PTPRG: variants seen among roughly 807,000 people sequenced by gnomAD.
PTPRG encodes protein tyrosine phosphatase receptor type G, also known as receptor-type tyrosine-protein phosphatase gamma.
In PTPRG, 102 loss-of-function variants were observed where a neutral mutation model predicts 165.3. The ratio of observed to expected loss-of-function variants is 0.62; its 90% CI spans 0.53 to 0.73. The LOEUF is 0.73. PTPRG is among the 30% of genes least tolerant of loss of function. The pLI is 0.00. For missense variants in PTPRG, 1,866 were observed against 1,861.4 expected (o/e 1.00, Z -0.05); for synonymous variants, 675 against 669.5 (o/e 1.01, Z -0.13).
intron 1 of PTPRG, among the ~76,000 whole-genome samples, chr3:61,602,202 G>T (rs1418705479): frequency 6.6e-6 from 1 of 151,816 alleles, no homozygotes; most frequent in African/African-American, 2.4e-5. Flanking sequence ...CCTTTTGGCT[G>T]GCTGTCTTAG....
Position 62,273,182 on chromosome 3 carries a change from G to C in PTPRG, c.3318+101G>C, listed in dbSNP as rs1453720719. 1.6e-5 allele frequency: 21 copies of C among 1,301,998 alleles called. No homozygotes were observed. Among genetic ancestry groups the C allele is most frequent in the Non-Finnish European group, 2.1e-5 (20 of 968,952 alleles). 80.7% of individuals were successfully genotyped at this position (1,301,998 alleles called of 1,614,324 possible). A position where few individuals can be genotyped will look rare whatever the true frequency, so the allele number is the denominator to read the frequency against. ...AGACAGATTCATTCTTTTAGGGCTT[G>C]CAGTAATTTACAGGTTTGTATTAGA... On this transcript the variant is annotated intron_variant, in intron 22 of 29. Coordinates refer to ENST00000474889, the MANE Select transcript of PTPRG (RefSeq NM_002841.4). The surrounding 1 kb of genome is among the most constrained non-coding windows in gnomAD (Gnocchi z 4.1).
At chr3:61,650,421 G>A (rs1467446136) in intron 1 of PTPRG, among the ~76,000 whole-genome samples, 1 of 152,162 alleles carries the variant, frequency 6.6e-6, no homozygotes, top group Non-Finnish European at 1.5e-5. Flanking sequence ...CAAAACTGTT[G>A]AGAAGCAGCC....
Position 61,897,651 on chromosome 3 carries a change from T to G in PTPRG, c.191-91974T>G, listed in dbSNP as rs368753085. ...GGGATTTTAATAGGAATTGTATTAA[T>G]AGTATAGATCAGTTTGGGGAGAACT... On this transcript the variant is annotated intron_variant, in intron 2 of 29. Coordinates refer to ENST00000474889, the MANE Select transcript of PTPRG (RefSeq NM_002841.4). Among the ~76,000 whole-genome samples, 3 of 152,206 alleles carry G rather than the reference T, an allele frequency of 2.0e-5. No individual in the cohort carries two copies. The South Asian group carries it at 6.2e-4, about 31-fold the overall frequency.
At chr3:61,934,117 G>A (rs920932212) in intron 2 of PTPRG, among the ~76,000 whole-genome samples, 1 of 152,142 alleles carries the variant, frequency 6.6e-6, no homozygotes, top group Non-Finnish European at 1.5e-5. Flanking sequence ...AGTGGTGTGG[G>A]GATGTGTATT....
rs79449065 is a variant in PTPRG, at chr3:61,572,873, T to C, written c.85+10501T>C. Among the ~76,000 whole-genome samples the C allele has an allele frequency of 5.9e-3, 898 of 152,342 alleles. 12 individuals are homozygous for C. The highest frequency in any genetic ancestry group is 0.021 in the African/African-American group (853 of 41,582). ...CCTGGAGGTGTTTGTCACCCAAGCA[T>C]AGGTGATTTTCCTGAGGGACAGATT... On this transcript the variant is annotated intron_variant, in intron 1 of 29. Coordinates refer to ENST00000474889, the MANE Select transcript of PTPRG (RefSeq NM_002841.4).
intron 2 of PTPRG, among the ~76,000 whole-genome samples, chr3:61,900,131 G>T (rs1348987787): frequency 3.3e-5 from 5 of 152,036 alleles, no homozygotes; most frequent in Admixed American, 3.3e-4. Flanking sequence ...TGGTATGATG[G>T]CTAGAAATAG....
intron 8 of PTPRG, 142 bp downstream of exon 8, chr3:62,168,305 T>C: frequency 1.2e-6 from 1 of 807,660 alleles, no homozygotes; most frequent in Non-Finnish European, 1.9e-6. Flanking sequence ...CCTGTCTGGC[T>C]GAAAAATAGG....
intron 13 of PTPRG, among the ~76,000 whole-genome samples, chr3:62,220,438 G>A (rs905111732): frequency 4.6e-5 from 7 of 152,208 alleles, no homozygotes; most frequent in Non-Finnish European, 8.8e-5. Flanking sequence ...GAGGGTAGCC[G>A]TGTAGGTGGT....
intron 26 of PTPRG, among the ~76,000 whole-genome samples, chr3:62,280,926 C>G (rs530823376): frequency 6.6e-6 from 1 of 152,092 alleles, no homozygotes; most frequent in Non-Finnish European, 1.5e-5. Context: ...GTTTAGAGAT[C>G]TCATATCCAA....
chr3:62,243,638 C>A (rs1472324556), intron 14 of PTPRG, 169 bp from the exon 15 acceptor site: 3 of 475,266 alleles, frequency 6.3e-6, no homozygotes, highest in South Asian at 4.2e-5. Flanking sequence ...ATTTTGGGCC[C>A]CTCCAACAGG....
intron 2 of PTPRG, among the ~76,000 whole-genome samples, chr3:61,788,005 G>C (rs1033073077): frequency 6.6e-6 from 1 of 152,100 alleles, no homozygotes; most frequent in Non-Finnish European, 1.5e-5. Context: ...TAAAGGATTT[G>C]TAGCAGTATT....
At chr3:62,084,477 T>C (rs998291626) in intron 5 of PTPRG, among the ~76,000 whole-genome samples, 3 of 151,692 alleles carry the variant, frequency 2.0e-5, no homozygotes, top group Admixed American at 6.5e-5. Context: ...TCTTTCATAG[T>C]TGAAAGGAAA....
chr3:61,821,923 A>G (rs1436708987), intron 2 of PTPRG, among the ~76,000 whole-genome samples: 2 of 152,250 alleles, frequency 1.3e-5, no homozygotes, highest in Non-Finnish European at 2.9e-5. Flanking sequence ...TGCACTGGGC[A>G]GGCTCTGCCA....
chr3:61,621,329 T>C (rs1395506578), intron 1 of PTPRG, among the ~76,000 whole-genome samples: 1 of 152,038 alleles, frequency 6.6e-6, no homozygotes, highest in East Asian at 1.9e-4. Flanking sequence ...GCAGGGATCT[T>C]GCTAAAATAA....
intron 2 of PTPRG, among the ~76,000 whole-genome samples, chr3:61,965,017 C>A (rs542007251): frequency 6.6e-6 from 1 of 151,960 alleles, no homozygotes; most frequent in East Asian, 1.9e-4. Context: ...CCAAGGTGGG[C>A]GGATCACCTG....
intron 12 of PTPRG, among the ~76,000 whole-genome samples, chr3:62,211,368 T>C (rs1478215731): frequency 6.6e-6 from 1 of 152,168 alleles, no homozygotes; most frequent in Non-Finnish European, 1.5e-5. Context: ...GGGAGTTGTT[T>C]AATGGATATA....
intron 2 of PTPRG, among the ~76,000 whole-genome samples, chr3:61,947,722 G>T (rs1363669607): frequency 2.0e-5 from 3 of 152,108 alleles, no homozygotes; most frequent in Non-Finnish European, 4.4e-5. Context: ...GGCATTACTG[G>T]GCTGAAATCG....
At chr3:61,937,932 C>A (rs190202327) in intron 2 of PTPRG, among the ~76,000 whole-genome samples, 12 of 131,222 alleles carry the variant, frequency 9.1e-5, no homozygotes, top group Admixed American at 3.1e-4. Flanking sequence ...TGCATTTGAT[C>A]TTGGGGTTTT....
chr3:61,788,984 C>CT (rs1575664460), intron 2 of PTPRG, among the ~76,000 whole-genome samples: 1 of 152,186 alleles, frequency 6.6e-6, no homozygotes, highest in East Asian at 1.9e-4. Context: ...TTTTGCATGT[C>CT]TTTTCTCATG....
Sources: gnomAD v4.1 joint callset for allele counts (sites outside exome capture counted in the v4.1 genomes callset) on GRCh38, gnomAD v4.1.1 for gene constraint, Gnocchi (gnomAD v3.1) non-coding constraint, MANE v1.5 for transcripts, NCBI Gene and HGNC (gene_info 2026-07-23, HGNC 2026-07-21) for gene names.